MYBPH: variants seen among roughly 807,000 people sequenced by gnomAD.
MYBPH encodes the protein myosin binding protein H, also known as myosin-binding protein H.
In MYBPH, 49 loss-of-function variants were observed where a neutral mutation model predicts 53.6. That is an observed-to-expected ratio of 0.91 (90% CI 0.73 to 1.16). The LOEUF (loss-of-function observed/expected upper bound fraction) is 1.16. MYBPH is among the 50% of genes most tolerant of loss of function. The pLI, the probability that MYBPH is intolerant of heterozygous loss-of-function variation, is 0.00. For synonymous variants in MYBPH, 239 were observed against 249.6 expected (o/e 0.96, Z 0.40); for missense variants, 558 against 624.1 (o/e 0.89, Z 1.13).
In MYBPH at chr1:203,171,097, C is replaced by T. The variant is rs548354687; in HGVS notation, c.897G>A (p.Leu299=). The change falls in exon 6 of 11, where the codon CTG becomes CTA. Residue 299 remains leucine, a synonymous_variant. Coordinates refer to ENST00000255416, the MANE Select transcript of MYBPH (RefSeq NM_004997.3). The surrounding 1 kb of genome is among the most constrained non-coding windows in gnomAD (Gnocchi z 4.2). ...TGTCTGCCTTCTGCACCATGTAGCC[C>T]AGGAGCTCTGTGTTGCCTGTGTCCT... The part of the protein sequence containing the change: ...PPQDTGNTEL[L]GYMVQKADKK... 6.8e-6 allele frequency: 11 copies of T among 1,611,290 alleles called. No homozygotes were observed. In the South Asian group the frequency reaches 1.2e-4, roughly 18 times the overall value.
At chr1:203,169,724 C>G (rs561730865) in intron 7 of MYBPH, among the ~76,000 whole-genome samples, 1 of 152,258 alleles carries the variant, frequency 6.6e-6, no homozygotes, top group East Asian at 1.9e-4. Flanking sequence ...CTGTGCAGTT[C>G]AGGCTAGTGT....
Position 203,171,770 on chromosome 1 carries a change from G to A in MYBPH, c.597+182C>T, listed in dbSNP as rs1296030755. ...TCCAGGTGTCCATCCCGCTCTGGGG[G>A]CCCACCTGCCCATCCACAGGCTGAG... On this transcript the variant is annotated intron_variant, in intron 4 of 10. Transcript: ENST00000255416. The surrounding 1 kb of genome is among the most constrained non-coding windows in gnomAD (Gnocchi z 4.2). 6.6e-6 allele frequency among the ~76,000 whole-genome samples: 1 copy of A among 152,198 alleles called. No individual in the cohort carries two copies. The highest frequency in any genetic ancestry group is 1.5e-5 in the Non-Finnish European group (1 of 68,032).
At chr1:203,169,845 T>A (rs1655662642) in intron 7 of MYBPH, among the ~76,000 whole-genome samples, 1 of 152,150 alleles carries the variant, frequency 6.6e-6, no homozygotes, top group East Asian at 1.9e-4. Context: ...CGCAAGAAGG[T>A]CAGGTGCCTG....
chr1:203,172,676 T>C (rs919610516), intron 3 of MYBPH, among the ~76,000 whole-genome samples: 9 of 152,198 alleles, frequency 5.9e-5, no homozygotes, highest in Non-Finnish European at 1.2e-4. Flanking sequence ...GAAGTCCTAT[T>C]TCAGCTGCCT....
rs1216090497 is a variant in MYBPH at position 203,175,794 on chromosome 1, G to T, written c.-39C>A. The T allele has an allele frequency of 2.1e-5, 33 of 1,607,018 alleles. No individual in the cohort carries two copies. The highest frequency in any genetic ancestry group is 2.7e-5 in the Non-Finnish European group (32 of 1,176,590). On this transcript the variant is annotated 5_prime_UTR_variant, in exon 1 of 11. Coordinates refer to ENST00000255416, the MANE Select transcript of MYBPH (RefSeq NM_004997.3). ...GGGGGGCCAGGGTGGAGTGTGCAGG[G>T]GTCAGCCGTTGGGGGGCCTGGGCCT...
intron 7 of MYBPH, among the ~76,000 whole-genome samples, chr1:203,169,801 G>A (rs1655661784): frequency 6.6e-6 from 1 of 152,248 alleles, no homozygotes; most frequent in Non-Finnish European, 1.5e-5. Flanking sequence ...GGCACACAAG[G>A]GACAGGGAAA....
intron 8 of MYBPH, 58 bp downstream of exon 8, chr1:203,169,195 C>A: frequency 6.3e-7 from 1 of 1,576,564 alleles, no homozygotes; most frequent in Non-Finnish European, 8.6e-7. Context: ...GATTCCTCAG[C>A]CCTGCTGTCC....
chr1:203,172,173 G>T, intron 3 of MYBPH, 133 bp from the exon 4 acceptor site: 1 of 474,020 alleles, frequency 2.1e-6, no homozygotes, highest in Non-Finnish European at 3.4e-6. Flanking sequence ...GCTGCCATGG[G>T]GTCCCTCCTT....
rs937698670 is a variant in MYBPH, at chr1:203,175,316, C to T, written c.340+11G>A. 9.2e-6 allele frequency: 14 copies of T among 1,518,608 alleles called. No individual in the cohort carries two copies. The highest frequency in any genetic ancestry group is 7.0e-5 in the African/African-American group (5 of 71,594). The allele number at this position is 1,518,608 out of a possible 1,614,324, so 94.1% of individuals were successfully genotyped here. ...CCCCTGGGTGTATGCAAGACTTAGC[C>T]CAGCACTCACCTCCCTCTCTGCAGA... On this transcript the variant is annotated intron_variant, in intron 2 of 10. Coordinates refer to ENST00000255416, the MANE Select transcript of MYBPH (RefSeq NM_004997.3).
At position 203,171,291 on chromosome 1, in the gene MYBPH, C is replaced by T. The variant is rs539034915; in HGVS notation, c.794-91G>A. The T allele has an allele frequency of 3.2e-6, 5 of 1,560,590 alleles. No individual in the cohort carries two copies. In the South Asian group the frequency reaches 4.9e-5, roughly 15 times the overall value. On this transcript the variant is annotated intron_variant, in intron 5 of 10. Transcript: ENST00000255416. The surrounding 1 kb of genome is among the most constrained non-coding windows in gnomAD (Gnocchi z 4.2). ...CAAAATTTGGCTCTTGCCACACTCC[C>T]TTGGCCTGCTCCCATCAGCCATCAG...
chr1:203,177,896 G>A (rs137973045), upstream of MYBPH, among the ~76,000 whole-genome samples: 1,249 of 152,354 alleles, frequency 8.2e-3, 15 homozygotes, highest in African/African-American at 0.028. Flanking sequence ...ACGCCTTGCC[G>A]AGTCCTTGTT....
rs548354687 is a variant in MYBPH at position 203,171,097 on chromosome 1, C to G, written c.897G>C (p.Leu299=). The part of the protein sequence containing the change: ...PPQDTGNTEL[L]GYMVQKADKK... ...TGTCTGCCTTCTGCACCATGTAGCC[C>G]AGGAGCTCTGTGTTGCCTGTGTCCT... The change falls in exon 6 of 11, where the codon CTG becomes CTC. Residue 299 remains leucine, a synonymous_variant. Transcript: ENST00000255416. This position sits in a 1 kb window ranked among gnomAD's most constrained non-coding sequence, Gnocchi z 4.2. 2 of 1,611,290 alleles carry G rather than the reference C, an allele frequency of 1.2e-6. No homozygotes were observed. Among genetic ancestry groups the G allele is most frequent in the South Asian group, 2.2e-5 (2 of 90,674 alleles).
Position 203,168,936 on chromosome 1 carries a change from C to T in MYBPH, c.1387G>A (p.Ala463Thr). ...TCKAINVLGE[A>T]SVDCRLEVKA... ...ACCTCCAGCCGGCAGTCCACAGATGCCTCCCCCAGCACATTTATGGCCTTG... is the reference window on the plus strand; with the variant it reads ...ACCTCCAGCCGGCAGTCCACAGATGTCTCCCCCAGCACATTTATGGCCTTG... Residue 463 changes from alanine (A) to threonine (T), a missense_variant, in exon 9 of 11, where the codon GCA becomes ACA. Transcript: ENST00000255416. The T allele has an allele frequency of 6.2e-7, 1 of 1,614,068 alleles. No individual in the cohort carries two copies. The highest frequency in any genetic ancestry group is 8.5e-7 in the Non-Finnish European group (1 of 1,180,036).
At position 203,172,020 on chromosome 1, in the gene MYBPH, G is replaced by C. The variant is rs142473091; in HGVS notation, c.529C>G (p.Pro177Ala). The change falls in exon 4 of 11, where the codon CCC becomes GCC. Residue 177 changes from proline (P) to alanine (A), a missense_variant. Coordinates refer to ENST00000255416, the MANE Select transcript of MYBPH (RefSeq NM_004997.3). ...ATGTAGGTCTGACGGAGGTGGCGGG[G>C]GACACGGATCTTGGGGGCCTCTGGA... ...ENIEAPKIRV[P>A]RHLRQTYIRQ... 47 of 1,321,538 alleles carry C rather than the reference G, an allele frequency of 3.6e-5. No individual in the cohort carries two copies. The African/African-American group carries it at 6.9e-4, about 19-fold the overall frequency. The allele number at this position is 1,321,538 out of a possible 1,614,324, so 81.9% of individuals were successfully genotyped here. A position where few individuals can be genotyped will look rare whatever the true frequency, so the allele number is the denominator to read the frequency against.
At chr1:203,179,156 T>C (rs892072752), upstream of MYBPH, 12 of 267,184 alleles carry the variant, frequency 4.5e-5, no homozygotes, top group African/African-American at 2.6e-4. Flanking sequence ...TTGAAGAAAT[T>C]CCCTTGCCAG....
rs112689670 is a variant in MYBPH, at chr1:203,174,854, TA to T, written c.341-258del. On this transcript the variant is annotated intron_variant, in intron 2 of 10. Transcript: ENST00000255416. ...ACATTTGCAAAGTCACACAGCAAGG[TA>T]GGGGCAGAGGCAGAGGCCAGGCTGG... Among the ~76,000 whole-genome samples, 93 of 151,988 alleles carry T rather than the reference TA, an allele frequency of 6.1e-4. 1 individual carries two copies. The highest frequency in any genetic ancestry group is 2.1e-3 in the African/African-American group (89 of 41,450).
chr1:203,177,891 T>C (rs1345499128), upstream of MYBPH, among the ~76,000 whole-genome samples: 4 of 152,266 alleles, frequency 2.6e-5, no homozygotes, highest in Admixed American at 2.6e-4. Context: ...ACTCCACGCC[T>C]TGCCGAGTCC....
At chr1:203,174,265 C>G in intron 3 of MYBPH, 165 bp downstream of exon 3, 4 of 973,026 alleles carry the variant, frequency 4.1e-6, no homozygotes, top group Non-Finnish European at 4.9e-6. Context: ...TGCTGAGGAA[C>G]CTGGAACTTT....
upstream of MYBPH, among the ~76,000 whole-genome samples, chr1:203,178,351 A>G (rs1192007405): frequency 6.6e-6 from 1 of 152,196 alleles, no homozygotes; most frequent in African/African-American, 2.4e-5. Flanking sequence ...CAGCACTAGG[A>G]CTATTGACAG....
Sources: allele counts gnomAD v4.1 joint callset (sites outside exome capture counted in the v4.1 genomes callset), GRCh38; gene constraint gnomAD v4.1.1; non-coding constraint Gnocchi (gnomAD v3.1); transcripts MANE v1.5; gene names NCBI Gene and HGNC (gene_info 2026-07-23, HGNC 2026-07-21).